RPTOR: variants seen among roughly 807,000 people sequenced by gnomAD.
The protein encoded by RPTOR is regulatory-associated protein of mTOR.
A neutral mutation model predicts 169.9 loss-of-function variants in RPTOR; 21 were observed. The observed-to-expected ratio is 0.12, with a 90% confidence interval of 0.09 to 0.18. The LOEUF (loss-of-function observed/expected upper bound fraction) is 0.18. Ranked by LOEUF, RPTOR falls within the 10% of genes least tolerant of loss-of-function variation. The pLI, the probability that RPTOR is intolerant of heterozygous loss-of-function variation, is 1.00. For synonymous variants in RPTOR, 732 were observed against 753.2 expected (o/e 0.97, Z 0.46); for missense variants, 1,133 against 1,855.9 (o/e 0.61, Z 7.16).
intron 7 of RPTOR, among the ~76,000 whole-genome samples, chr17:80,809,590 A>T (rs578120552): frequency 1.3e-5 from 2 of 152,336 alleles, no homozygotes; most frequent in Admixed American, 1.3e-4. Context: ...CCATTAATTT[A>T]TATTCTTTAA....
intron 19 of RPTOR, among the ~76,000 whole-genome samples, chr17:80,893,221 T>C (rs2068348500): frequency 6.6e-6 from 1 of 152,178 alleles, no homozygotes; most frequent in African/African-American, 2.4e-5. Context: ...TGAGTGCCTG[T>C]GCCTGTGTGT....
chr17:80,578,471 G>A (rs928530619), intron 1 of RPTOR, among the ~76,000 whole-genome samples: 1 of 152,196 alleles, frequency 6.6e-6, no homozygotes, highest in Admixed American at 6.5e-5. Context: ...AGACGTGGCT[G>A]CTTTCCGTGG....
At chr17:80,753,547 G>A (rs2066650036) in intron 5 of RPTOR, among the ~76,000 whole-genome samples, 1 of 150,330 alleles carries the variant, frequency 6.7e-6, no homozygotes, top group South Asian at 2.1e-4. Flanking sequence ...GCAGGAGAAT[G>A]GCGTGAACCC....
chr17:80,660,620 T>A (rs2065715529), intron 3 of RPTOR, among the ~76,000 whole-genome samples: 1 of 152,030 alleles, frequency 6.6e-6, no homozygotes. Context: ...CCTGCCCCGT[T>A]TCCCATTTTC....
intron 2 of RPTOR, among the ~76,000 whole-genome samples, chr17:80,638,146 G>A (rs1230844378): frequency 2.6e-5 from 4 of 152,244 alleles, no homozygotes; most frequent in African/African-American, 9.6e-5. Context: ...TGGAAGGCCA[G>A]AGAATGCTGC....
At chr17:80,955,594 A>C (rs76492035) in intron 28 of RPTOR, among the ~76,000 whole-genome samples, 3,332 of 152,326 alleles carry the variant, frequency 0.022, 131 homozygotes, top group African/African-American at 0.077. Context: ...TCACGGTTGT[A>C]ATGTAAGTGG....
intron 17 of RPTOR, among the ~76,000 whole-genome samples, chr17:80,889,316 C>T (rs995491058): frequency 1.3e-5 from 2 of 152,124 alleles, no homozygotes; most frequent in African/African-American, 4.8e-5. Flanking sequence ...GGTGGGGAGC[C>T]GACAGGAAGG....
rs772540020 is a variant in RPTOR at position 80,855,586 on chromosome 17, T to C, written c.1398+39T>C. 3.5e-6 allele frequency: 5 copies of C among 1,432,210 alleles called. No homozygotes were observed. The South Asian group carries it at 4.6e-5, about 13-fold the overall frequency. The allele number at this position is 1,432,210 out of a possible 1,614,324, so 88.7% of individuals were successfully genotyped here. ...GCATTAACCTGGGGGCTGAGGGAGG[T>C]GGGACAGAGATTAGGCTCCGTGTTT... On this transcript the variant is annotated intron_variant, in intron 12 of 33. Transcript: ENST00000306801.
At chr17:80,687,171 C>T (rs889598607) in intron 3 of RPTOR, among the ~76,000 whole-genome samples, 5 of 152,198 alleles carry the variant, frequency 3.3e-5, no homozygotes, top group South Asian at 2.1e-4. Context: ...CATTCTCTGC[C>T]GAGAGTTCTG....
chr17:80,597,860 C>T (rs1324442267), intron 1 of RPTOR, among the ~76,000 whole-genome samples: 1 of 151,854 alleles, frequency 6.6e-6, no homozygotes, highest in Non-Finnish European at 1.5e-5. Context: ...ATTCATCTGA[C>T]TGTATGTGGT....
chr17:80,666,997 G>A (rs1238490830), intron 3 of RPTOR, among the ~76,000 whole-genome samples: 1 of 152,190 alleles, frequency 6.6e-6, no homozygotes, highest in Non-Finnish European at 1.5e-5. Context: ...GCAGTAGGTG[G>A]CACTTGTTGA....
intron 1 of RPTOR, among the ~76,000 whole-genome samples, chr17:80,589,524 A>G (rs1042850063): frequency 1.3e-5 from 2 of 152,206 alleles, no homozygotes; most frequent in Non-Finnish European, 2.9e-5. Flanking sequence ...TGATTTAATC[A>G]TATCTGTAGG....
At chr17:80,700,782 TG>T (rs2066092581) in intron 3 of RPTOR, among the ~76,000 whole-genome samples, 2 of 120,736 alleles carry the variant, frequency 1.7e-5, no homozygotes, top group African/African-American at 3.3e-5. Context: ...GTAGAGATGA[TG>T]ATGGTGGTGG....
intron 5 of RPTOR, among the ~76,000 whole-genome samples, chr17:80,750,771 C>T (rs1271134629): frequency 1.3e-5 from 2 of 152,082 alleles, no homozygotes; most frequent in Non-Finnish European, 2.9e-5. Flanking sequence ...ATGATTTTGC[C>T]TTCCCTCTTC....
chr17:80,828,368 C>G (rs1239318498), intron 9 of RPTOR, among the ~76,000 whole-genome samples: 5 of 152,208 alleles, frequency 3.3e-5, no homozygotes, highest in African/African-American at 9.6e-5. Flanking sequence ...TGCATCCCAC[C>G]TACAGAACAG....
intron 2 of RPTOR, among the ~76,000 whole-genome samples, chr17:80,627,319 C>T (rs531984845): frequency 3.3e-5 from 5 of 152,290 alleles, no homozygotes; most frequent in Admixed American, 3.3e-4. Flanking sequence ...CATGCCCGGC[C>T]AAGATACAAT....
chr17:80,843,139 CT>C (rs1338901500), intron 10 of RPTOR, among the ~76,000 whole-genome samples: 2 of 152,156 alleles, frequency 1.3e-5, no homozygotes, highest in Admixed American at 1.3e-4. Context: ...AAAGAACCTG[CT>C]GGATTTTTGT....
chr17:80,706,365 TG>T (rs1287164539), intron 3 of RPTOR, among the ~76,000 whole-genome samples: 1 of 152,212 alleles, frequency 6.6e-6, no homozygotes, highest in Admixed American at 6.5e-5. Context: ...ATGATAGAAC[TG>T]GAGTAGCTCC....
intron 23 of RPTOR, among the ~76,000 whole-genome samples, chr17:80,924,514 A>G (rs1286992478): frequency 2.0e-5 from 3 of 152,078 alleles, no homozygotes; most frequent in African/African-American, 7.2e-5. Context: ...AGGTCCCCAC[A>G]GGTGCTGCTC....
Sources: allele counts gnomAD v4.1 joint callset (sites outside exome capture counted in the v4.1 genomes callset), GRCh38; gene constraint gnomAD v4.1.1; transcripts MANE v1.5; gene names NCBI Gene and HGNC (gene_info 2026-07-23, HGNC 2026-07-21).